LVRN: variants seen among roughly 807,000 people sequenced by gnomAD.
The protein encoded by LVRN is laeverin.
A neutral mutation model predicts 111.4 loss-of-function variants in LVRN; 99 were observed. That is an observed-to-expected ratio of 0.89 (90% CI 0.76 to 1.05). The LOEUF (loss-of-function observed/expected upper bound fraction) is 1.05, where lower values mean the gene tolerates loss of function less well. LVRN is among the 50% of genes least tolerant of loss of function. LVRN has a pLI of 0.00. For synonymous variants in LVRN, 488 were observed against 449.5 expected, an observed-to-expected ratio of 1.09 and a Z score of -1.08; for missense variants, 1,414 against 1,206.8, an observed-to-expected ratio of 1.17 and a Z score of -2.54.
intron 13 of LVRN, 144 bp from the exon 14 acceptor site, chr5:116,010,597 G>A: frequency 1.2e-6 from 1 of 850,562 alleles, no homozygotes; most frequent in Non-Finnish European, 1.9e-6. Flanking sequence ...CTTTCTATAA[G>A]ATGGGACATT....
At chr5:116,004,647 G>A (rs1284836275) in intron 12 of LVRN, among the ~76,000 whole-genome samples, 1 of 152,102 alleles carries the variant, frequency 6.6e-6, no homozygotes, top group Non-Finnish European at 1.5e-5. Context: ...ACTCCCTTCA[G>A]TATTCCTGGA....
intron 2 of LVRN, among the ~76,000 whole-genome samples, chr5:115,984,059 C>A (rs990523369): frequency 4.6e-5 from 7 of 152,180 alleles, no homozygotes; most frequent in African/African-American, 1.7e-4. Flanking sequence ...TGATCCTCAC[C>A]ACTCCCTATT....
At chr5:116,017,537 T>C (rs1054254323) in intron 18 of LVRN, among the ~76,000 whole-genome samples, 1 of 152,194 alleles carries the variant, frequency 6.6e-6, no homozygotes, top group Non-Finnish European at 1.5e-5. Flanking sequence ...TCCTTTGTCC[T>C]TTTATTTATT....
At chr5:116,025,088 A>G (rs987867574) in intron 19 of LVRN, among the ~76,000 whole-genome samples, 3 of 152,074 alleles carry the variant, frequency 2.0e-5, no homozygotes, top group African/African-American at 4.8e-5. Flanking sequence ...CAGGAGCCCA[A>G]TCCTGGGCAC....
intron 19 of LVRN, among the ~76,000 whole-genome samples, chr5:116,022,914 A>G (rs1356329951): frequency 1.3e-5 from 2 of 152,250 alleles, no homozygotes; most frequent in African/African-American, 2.4e-5. Flanking sequence ...GTCAGAGAGC[A>G]AGAGAGACGG....
intron 1 of LVRN, 73 bp downstream of exon 1, chr5:115,963,385 G>A: frequency 7.8e-7 from 1 of 1,286,976 alleles, no homozygotes; most frequent in Non-Finnish European, 1.1e-6. Context: ...GGGTCCAGCT[G>A]ACTACCGTGT....
In LVRN at chr5:116,026,267, T is replaced by C; in HGVS notation, c.*149T>C. 8.1e-7 allele frequency: 1 copy of C among 1,227,322 alleles called. No individual in the cohort carries two copies. The highest frequency in any genetic ancestry group is 1.5e-5 in the African/African-American group (1 of 65,224). The allele number at this position is 1,227,322 out of a possible 1,614,324, so 76.0% of individuals were successfully genotyped here. On this transcript the variant is annotated 3_prime_UTR_variant, in exon 20 of 20. Coordinates refer to ENST00000357872, the MANE Select transcript of LVRN (RefSeq NM_173800.5). ...ACTCAGAGTGCCATTCTTCTCATAT[T>C]GTCATGTTTGGCCCTGAGGGTGGGT...
intron 1 of LVRN, among the ~76,000 whole-genome samples, chr5:115,977,721 G>T (rs558042460): frequency 4.6e-5 from 7 of 152,244 alleles, no homozygotes; most frequent in African/African-American, 1.7e-4. Context: ...GCACTTGCTG[G>T]TCGTCTAATC....
intron 4 of LVRN, 43 bp from the exon 5 acceptor site, chr5:115,992,080 G>T: frequency 1.3e-6 from 2 of 1,527,468 alleles, no homozygotes; most frequent in Non-Finnish European, 1.8e-6. Context: ...CCCATTTTTT[G>T]GAAAAGATTA....
Position 116,010,768 on chromosome 5 carries a change from A to C in LVRN, c.2121A>C (p.Ala707=). 6.2e-7 allele frequency: 1 copy of C among 1,604,786 alleles called. No individual in the cohort carries two copies. The highest frequency in any genetic ancestry group is 8.5e-7 in the Non-Finnish European group (1 of 1,176,798). The stretch of plus-strand genomic sequence containing the variant: ...ACAATTATATTGAGATTGAAACAGC[A>C]CTTGAGTTAACCAAGTACCTTGCTG... The part of the protein sequence containing the change: ...SKNNYIEIET[A]LELTKYLAEE... Residue 707 remains alanine, a synonymous_variant, in exon 14 of 20, where the codon GCA becomes GCC. Coordinates refer to ENST00000357872, the MANE Select transcript of LVRN (RefSeq NM_173800.5).
At position 116,012,372 on chromosome 5, in the gene LVRN, A is replaced by C; in HGVS notation, c.2248-2A>C. The stretch of plus-strand genomic sequence containing the variant: ...ACAGTGTATTTTCTTTATTGTTTAT[A>C]GAGGTACCTATTAAAGAGACTTAAT... On this transcript the variant is annotated splice_acceptor_variant, in intron 14 of 19. Coordinates refer to ENST00000357872, the MANE Select transcript of LVRN (RefSeq NM_173800.5). LOFTEE classifies it high-confidence loss of function. 3 of 1,399,898 alleles carry C rather than the reference A, an allele frequency of 2.1e-6. No individual in the cohort carries two copies. The highest frequency in any genetic ancestry group is 3.0e-6 in the Non-Finnish European group (3 of 1,000,712). 86.7% of individuals were successfully genotyped at this position (1,399,898 alleles called of 1,614,324 possible). A position where few individuals can be genotyped will look rare whatever the true frequency, so the allele number is the denominator to read the frequency against.
intron 1 of LVRN, among the ~76,000 whole-genome samples, chr5:115,981,387 A>G (rs1211197234): frequency 6.6e-6 from 1 of 152,168 alleles, no homozygotes; most frequent in Admixed American, 6.6e-5. Flanking sequence ...GGCGACGAAT[A>G]TGACTCATGT....
intron 1 of LVRN, among the ~76,000 whole-genome samples, chr5:115,967,055 A>T (rs1753218544): frequency 6.6e-6 from 1 of 152,158 alleles, no homozygotes; most frequent in Non-Finnish European, 1.5e-5. Flanking sequence ...TGTGAGATAT[A>T]TATGGTTTGC....
intron 3 of LVRN, among the ~76,000 whole-genome samples, chr5:115,987,240 T>G (rs1372761742): frequency 1.3e-5 from 2 of 152,220 alleles, no homozygotes; most frequent in East Asian, 3.8e-4. Context: ...AAGAGAATTA[T>G]AATTCACTTG....
At chr5:115,997,891 G>T (rs971959632) in intron 6 of LVRN, among the ~76,000 whole-genome samples, 2 of 152,140 alleles carry the variant, frequency 1.3e-5, no homozygotes, top group African/African-American at 2.4e-5. Context: ...GACCTCTAGG[G>T]TGTTGAGGAA....
At chr5:116,020,861 C>G (rs1748713799) in intron 18 of LVRN, among the ~76,000 whole-genome samples, 3 of 152,154 alleles carry the variant, frequency 2.0e-5, no homozygotes, top group African/African-American at 7.2e-5. Context: ...TGTTCCCACA[C>G]TAACGTTAGA....
At chr5:115,986,425 A>T (rs990561302) in intron 3 of LVRN, among the ~76,000 whole-genome samples, 3 of 152,170 alleles carry the variant, frequency 2.0e-5, no homozygotes, top group African/African-American at 7.2e-5. Flanking sequence ...TAGCGGGATG[A>T]TATCGATTTA....
Position 115,968,859 on chromosome 5 carries a change from T to C in LVRN, c.695+5547T>C, listed in dbSNP as rs576253949. On this transcript the variant is annotated intron_variant, in intron 1 of 19. Transcript: ENST00000357872. The stretch of plus-strand genomic sequence containing the variant: ...AAAGGAAGGAGGCTAAGCTGGGATA[T>C]GCAATTAAACAAAGTCCCATGGAGG... Among the ~76,000 whole-genome samples, 3 of 152,320 alleles carry C rather than the reference T, an allele frequency of 2.0e-5. No individual in the cohort carries two copies. In the East Asian group the frequency reaches 5.8e-4, roughly 29 times the overall value.
chr5:116,022,675 C>T (rs1013782022), intron 19 of LVRN, among the ~76,000 whole-genome samples: 3 of 152,188 alleles, frequency 2.0e-5, no homozygotes, highest in Non-Finnish European at 2.9e-5. Flanking sequence ...GCACTTCATC[C>T]TCTCTCACCT....
Sources: gnomAD v4.1 joint callset for allele counts (sites outside exome capture counted in the v4.1 genomes callset) on GRCh38, gnomAD v4.1.1 for gene constraint, MANE v1.5 for transcripts, NCBI Gene and HGNC (gene_info 2026-07-23, HGNC 2026-07-21) for gene names.